The following GLIPR1L2 variants were observed in gnomAD, a reference collection of about 807,000 sequenced individuals.
GLIPR1L2 encodes GLIPR1 like 2, also known as GLIPR1-like protein 2.
A neutral mutation model predicts 28.4 loss-of-function variants in GLIPR1L2; 21 were observed. That is an observed-to-expected ratio of 0.74 (90% confidence interval 0.52 to 1.06). The LOEUF (loss-of-function observed/expected upper bound fraction) is 1.06, where lower values mean the gene tolerates loss of function less well. Ranked by LOEUF, GLIPR1L2 falls within the 50% of genes least tolerant of loss-of-function variation. GLIPR1L2 has a pLI of 0.00. For missense variants in GLIPR1L2, 476 were observed against 416.9 expected, an observed-to-expected ratio of 1.14 and a Z score of -1.23; for synonymous variants, 145 against 139.3, an observed-to-expected ratio of 1.04 and a Z score of -0.29.
chr12:75,411,489 GTTTTT>G (rs199718956), intron 2 of GLIPR1L2, among the ~76,000 whole-genome samples: 1 of 147,928 alleles, frequency 6.8e-6, no homozygotes, highest in Non-Finnish European at 1.5e-5. Flanking sequence ...TTTTTCATCA[GTTTTT>G]TTTTTCTGAT....
At chr12:75,398,333 A>AAAAAAC in intron 1 of GLIPR1L2, among the ~76,000 whole-genome samples, 2 of 75,022 alleles carry the variant, frequency 2.7e-5, no homozygotes, top group African/African-American at 7.0e-5. Context: ...CATCTCAAAA[A>AAAAAAC]AAAAAAAAAA....
chr12:75,391,594 C>A, intron 1 of GLIPR1L2: 2 of 1,366,332 alleles, frequency 1.5e-6, no homozygotes, highest in Non-Finnish European at 2.0e-6. Flanking sequence ...GCCTGAAGTG[C>A]AGATTTTAAG....
At chr12:75,391,453 G>A in intron 1 of GLIPR1L2, 103 bp downstream of exon 1, 1 of 1,586,664 alleles carries the variant, frequency 6.3e-7, no homozygotes, top group Non-Finnish European at 8.6e-7. Flanking sequence ...GAAGGATCGC[G>A]GAGAACCGCA....
intron 1 of GLIPR1L2, chr12:75,403,127 G>T: frequency 2.2e-6 from 1 of 456,876 alleles, no homozygotes; most frequent in South Asian, 1.5e-5. Flanking sequence ...ACTCCTGAAT[G>T]ATTGATTGGG....
chr12:75,424,440 A>G (rs1244938477), intron 4 of GLIPR1L2, among the ~76,000 whole-genome samples: 2 of 151,816 alleles, frequency 1.3e-5, no homozygotes, highest in African/African-American at 4.8e-5. Context: ...AGATTTGTTT[A>G]AGTTCTTTGT....
chr12:75,391,123 G>A lies in GLIPR1L2; in HGVS notation c.7G>A (p.Ala3Thr), dbSNP rs375758674. 17 of 1,612,452 alleles carry A rather than the reference G, an allele frequency of 1.1e-5. No individual in the cohort carries two copies. The highest frequency in any genetic ancestry group is 1.8e-4 in the Middle Eastern group (1 of 5,644). Residue 3 changes from alanine to threonine, a missense_variant, in exon 1 of 6, where the codon GCC becomes ACC. By Grantham distance (58) the Ala-to-Thr change is moderately conservative. Coordinates refer to ENST00000550916, the MANE Select transcript of GLIPR1L2 (RefSeq NM_001270396.2). ...TGTCAGCGGCCGGTGGACCATGGAG[G>A]CCGCAAGGCCCTTCGCCCGGGAGTG... ME[A>T]ARPFAREWRA...
rs574670319 is a variant in GLIPR1L2 at position 75,404,085 on chromosome 12, C to T, written c.235-6349C>T. ...TTGAGTAGATCACCTTAACTTGTTA[C>T]TTCTGTTAAAAACATAATTCCAAGT... On this transcript the variant is annotated intron_variant, in intron 1 of 5. Coordinates refer to ENST00000550916, the MANE Select transcript of GLIPR1L2 (RefSeq NM_001270396.2). Among the ~76,000 whole-genome samples, 3 of 152,234 alleles carry T rather than the reference C, an allele frequency of 2.0e-5. No individual in the cohort carries two copies. In the South Asian group the frequency reaches 6.2e-4, roughly 32 times the overall value.
intron 1 of GLIPR1L2, among the ~76,000 whole-genome samples, chr12:75,400,138 A>G (rs2139923752): frequency 6.6e-6 from 1 of 152,308 alleles, no homozygotes; most frequent in Non-Finnish European, 1.5e-5. Flanking sequence ...TTATTTTTTG[A>G]GACAGAGTCT....
At chr12:75,391,637 GC>G (rs2045601963) in intron 1 of GLIPR1L2, 1 of 818,914 alleles carries the variant, frequency 1.2e-6, no homozygotes, top group South Asian at 1.5e-5. Context: ...ATATTTTAAT[GC>G]AACGGGTTTT....
rs562178625 is a variant in GLIPR1L2, at chr12:75,413,279, G to T, written c.481-319G>T. Among the ~76,000 whole-genome samples, 22 of 151,024 alleles carry T rather than the reference G, an allele frequency of 1.5e-4. No homozygotes were observed. The East Asian group carries it at 4.3e-3, about 30-fold the overall frequency. ...GTTAATGGGTGCAGCACACCAACATGGCACATGTATACATATGTAACAAAC... is the reference window on the plus strand; with the variant it reads ...GTTAATGGGTGCAGCACACCAACATTGCACATGTATACATATGTAACAAAC... On this transcript the variant is annotated intron_variant, in intron 2 of 5. Transcript: ENST00000550916.
chr12:75,413,527 A>G, intron 2 of GLIPR1L2, 71 bp from the exon 3 acceptor site: 1 of 834,258 alleles, frequency 1.2e-6, no homozygotes, highest in South Asian at 1.6e-5. Context: ...AATGGAATAT[A>G]TTATTGTTTA....
chr12:75,397,892 T>C (rs1017197502), intron 1 of GLIPR1L2, among the ~76,000 whole-genome samples: 1 of 152,170 alleles, frequency 6.6e-6, no homozygotes, highest in African/African-American at 2.4e-5. Flanking sequence ...CTTCCTATAT[T>C]GTTGGCATTT....
chr12:75,432,645 C>T lies in GLIPR1L2; in HGVS notation c.*1484C>T, dbSNP rs2046101942. 1 of 151,724 alleles carries T rather than the reference C, an allele frequency of 6.6e-6. No individual in the cohort carries two copies. The highest frequency in any genetic ancestry group is 1.5e-5 in the Non-Finnish European group (1 of 67,934). The allele number at this position is 151,724 out of a possible 1,614,324, so 9.4% of individuals were successfully genotyped here. ...TGTTAAAAACCTGTTCGAAGTAGGG[C>T]AAGATGAGAATTATATTAAAAAGCC... On this transcript the variant is annotated 3_prime_UTR_variant, in exon 6 of 6. Coordinates refer to ENST00000550916, the MANE Select transcript of GLIPR1L2 (RefSeq NM_001270396.2).
intron 1 of GLIPR1L2, among the ~76,000 whole-genome samples, chr12:75,407,049 C>T (rs1202317556): frequency 6.6e-6 from 1 of 152,038 alleles, no homozygotes; most frequent in African/African-American, 2.4e-5. Context: ...CCTGGCCTGA[C>T]CTGACTACAC....
At chr12:75,406,682 C>T (rs912422325) in intron 1 of GLIPR1L2, among the ~76,000 whole-genome samples, 16 of 147,356 alleles carry the variant, frequency 1.1e-4, no homozygotes, top group African/African-American at 3.5e-4. Flanking sequence ...CAGTTGAGCC[C>T]GGGAGTTTGA....
Position 75,424,780 on chromosome 12 carries a change from A to G in GLIPR1L2, c.670+1791A>G, listed in dbSNP as rs151210338. 7.6e-3 allele frequency among the ~76,000 whole-genome samples: 1,151 copies of G among 152,244 alleles called. 13 individuals are homozygous for G. The highest frequency in any genetic ancestry group is 0.012 in the Non-Finnish European group (801 of 68,010). On this transcript the variant is annotated intron_variant, in intron 4 of 5. Transcript: ENST00000550916. Reference sequence around the variant, plus strand: ...TAGTGGACAGTTTTACTATAACACCATTACAGGGATGAATCCACCCTAACA... The same window carrying G: ...TAGTGGACAGTTTTACTATAACACCGTTACAGGGATGAATCCACCCTAACA...
intron 3 of GLIPR1L2, among the ~76,000 whole-genome samples, chr12:75,421,190 AG>A (rs62873863): frequency 0.024 from 3,711 of 152,282 alleles, 153 homozygotes; most frequent in African/African-American, 0.085. Context: ...GTGTAGCTAA[AG>A]GTGACTAGAT....
chr12:75,424,534 T>G (rs553218246), intron 4 of GLIPR1L2, among the ~76,000 whole-genome samples: 1 of 152,188 alleles, frequency 6.6e-6, no homozygotes, highest in African/African-American at 2.4e-5. Context: ...TAACGTCGAA[T>G]TCCTGGGCTC....
At chr12:75,405,382 T>A (rs761028197) in intron 1 of GLIPR1L2, among the ~76,000 whole-genome samples, 3 of 151,972 alleles carry the variant, frequency 2.0e-5, no homozygotes, top group African/African-American at 2.4e-5. Flanking sequence ...AAAGAAACTG[T>A]TTTGAAGGAA....
Sources: allele counts gnomAD v4.1 joint callset (sites outside exome capture counted in the v4.1 genomes callset), GRCh38; gene constraint gnomAD v4.1.1; transcripts MANE v1.5; gene names NCBI Gene and HGNC (gene_info 2026-07-23, HGNC 2026-07-21).